The following ASPH variants were observed in gnomAD, a reference collection of about 807,000 sequenced individuals.
ASPH encodes aspartate beta-hydroxylase.
In ASPH, 100 loss-of-function variants were observed where a neutral mutation model predicts 118.4. That is an observed-to-expected ratio of 0.84 (90% CI 0.72 to 1.00). The LOEUF (loss-of-function observed/expected upper bound fraction) is 1.00. Among genes scored for constraint, ASPH ranks in the 50% least tolerant of loss-of-function variants. ASPH has a pLI of 0.00. For missense variants in ASPH, 920 were observed against 919.5 expected, an observed-to-expected ratio of 1.00 and a Z score of -0.01; for synonymous variants, 315 against 325.6, an observed-to-expected ratio of 0.97 and a Z score of 0.35.
intron 24 of ASPH, among the ~76,000 whole-genome samples, chr8:61,507,330 GGTT>G (rs2129612208): frequency 6.6e-6 from 1 of 152,266 alleles, no homozygotes; most frequent in East Asian, 1.9e-4. Flanking sequence ...TATACCAAAG[GGTT>G]GTTAATTGGC....
intron 10 of ASPH, among the ~76,000 whole-genome samples, chr8:61,639,206 A>G (rs562510921): frequency 6.6e-6 from 1 of 152,192 alleles, no homozygotes; most frequent in East Asian, 1.9e-4. Context: ...GCTTCTAAGA[A>G]CTTAAAAATG....
At chr8:61,548,537 T>C (rs564877488) in intron 20 of ASPH, among the ~76,000 whole-genome samples, 12 of 152,192 alleles carry the variant, frequency 7.9e-5, no homozygotes, top group Non-Finnish European at 1.0e-4. Flanking sequence ...AATGAATAAA[T>C]AAGACACCAA....
chr8:61,615,330 G>A (rs1393611007), intron 14 of ASPH, among the ~76,000 whole-genome samples: 1 of 152,126 alleles, frequency 6.6e-6, no homozygotes, highest in Non-Finnish European at 1.5e-5. Context: ...CACCATCCAA[G>A]AGGCCTATTA....
chr8:61,525,495 TCTGGTGTGTTACCATTTTTACCAG>T (rs887011625), intron 22 of ASPH, among the ~76,000 whole-genome samples: 2 of 152,304 alleles, frequency 1.3e-5, no homozygotes, highest in East Asian at 1.9e-4. Context: ...GTCTTGTCAC[TCTGGTGTGTTACCATTTTTACCAG>T]CTGGTGTGTT....
intron 10 of ASPH, among the ~76,000 whole-genome samples, chr8:61,638,603 TA>T (rs1410064908): frequency 6.6e-6 from 1 of 152,180 alleles, no homozygotes; most frequent in African/African-American, 2.4e-5. Context: ...ACTACCTTTT[TA>T]AAATTTTCTT....
intron 21 of ASPH, among the ~76,000 whole-genome samples, chr8:61,539,699 G>GGGGGGTGTGTGTGTGTGTGTGTGTGT (rs1554618405): frequency 2.4e-5 from 3 of 124,306 alleles, no homozygotes; most frequent in East Asian, 2.3e-4. Context: ...ACACTTCTGG[G>GGGGGGTGTGTGTGTGTGTGTGTGTGT]GTGTGTGTGT....
chr8:61,680,855 G>A, intron 3 of ASPH, 113 bp downstream of exon 3: 1 of 776,102 alleles, frequency 1.3e-6, no homozygotes. Context: ...TATGATTTAA[G>A]GGAGAAAAGT....
chr8:61,514,353 C>T (rs1263418398), intron 24 of ASPH, among the ~76,000 whole-genome samples: 1 of 151,238 alleles, frequency 6.6e-6, no homozygotes, highest in Non-Finnish European at 1.5e-5. Context: ...TTGCTGTCAC[C>T]CAGGCTGGAG....
Position 61,689,824 on chromosome 8 carries a change from C to A in ASPH, c.104-5636G>T. ...AGAGCTTGAGACTGGCCAATCCCTG[C>A]ACTGTAAGGGCCTCTAGAACTGAAA... On this transcript the variant is annotated intron_variant, in intron 1 of 24. Coordinates refer to ENST00000379454, the MANE Select transcript of ASPH (RefSeq NM_004318.4). The A allele has an allele frequency of 1.5e-5, 22 of 1,447,908 alleles. No homozygotes were observed. The South Asian group carries it at 3.0e-4, about 20-fold the overall frequency. The allele number at this position is 1,447,908 out of a possible 1,614,324, so 89.7% of individuals were successfully genotyped here. A position where few individuals can be genotyped will look rare whatever the true frequency, so the allele number is the denominator to read the frequency against.
chr8:61,598,682 G>A (rs372967378), intron 14 of ASPH, among the ~76,000 whole-genome samples: 2 of 152,138 alleles, frequency 1.3e-5, no homozygotes, highest in Non-Finnish European at 2.9e-5. Flanking sequence ...CAACAGCTAC[G>A]GAGTACACAC....
At chr8:61,534,868 A>T (rs1300927624) in intron 21 of ASPH, among the ~76,000 whole-genome samples, 2 of 152,238 alleles carry the variant, frequency 1.3e-5, no homozygotes, top group African/African-American at 4.8e-5. Context: ...TGGTTTAAAC[A>T]ACAGAAATTT....
At chr8:61,705,667 T>A (rs1400358440) in intron 1 of ASPH, among the ~76,000 whole-genome samples, 1 of 152,204 alleles carries the variant, frequency 6.6e-6, no homozygotes, top group Non-Finnish European at 1.5e-5. Flanking sequence ...GATGAAAATA[T>A]TCTCTATCCT....
At chr8:61,693,039 C>A (rs1032476850) in intron 1 of ASPH, among the ~76,000 whole-genome samples, 9 of 152,156 alleles carry the variant, frequency 5.9e-5, no homozygotes, top group African/African-American at 2.2e-4. Context: ...ATTATCCAAC[C>A]CTCCACTGTG....
chr8:61,528,003 G>A (rs1304762436), intron 21 of ASPH, among the ~76,000 whole-genome samples: 1 of 152,152 alleles, frequency 6.6e-6, no homozygotes, highest in Admixed American at 6.6e-5. Flanking sequence ...TCTTAGTTCT[G>A]CTTTTAACTT....
At chr8:61,520,016 C>A (rs1812367740) in intron 22 of ASPH, among the ~76,000 whole-genome samples, 1 of 152,210 alleles carries the variant, frequency 6.6e-6, no homozygotes, top group Admixed American at 6.5e-5. Flanking sequence ...AAATGCATTT[C>A]TAGGACTATA....
intron 16 of ASPH, among the ~76,000 whole-genome samples, chr8:61,574,913 G>GATAAATA: frequency 6.6e-6 from 1 of 152,240 alleles, no homozygotes; most frequent in South Asian, 2.1e-4. Context: ...AGCACGTGTA[G>GATAAATA]AATAAAATCT....
intron 15 of ASPH, chr8:61,579,752 C>T (rs1280386553): frequency 2.3e-6 from 2 of 852,828 alleles, no homozygotes; most frequent in Admixed American, 1.7e-5. Flanking sequence ...CAGGGTAGCA[C>T]TGGGAACAGG....
Position 61,704,194 on chromosome 8 carries a change from C to CA in ASPH, c.103+10074dup, listed in dbSNP as rs61553495. Among the ~76,000 whole-genome samples the CA allele has an allele frequency of 4.9e-4, 20 of 40,446 alleles. 4 individuals carry two copies. Among genetic ancestry groups the CA allele is most frequent in the African/African-American group, 1.7e-3 (14 of 8,474 alleles). 26.5% of individuals were successfully genotyped at this position (40,446 alleles called of 152,430 possible). On this transcript the variant is annotated intron_variant, in intron 1 of 24. Coordinates refer to ENST00000379454, the MANE Select transcript of ASPH (RefSeq NM_004318.4). Reference sequence around the variant, plus strand: ...TGGGCGACAGAGCGAGACTCCGTCTCAAAAAAAAAAAAAAAAAAAAAAAAA... The same window carrying CA: ...TGGGCGACAGAGCGAGACTCCGTCTCAAAAAAAAAAAAAAAAAAAAAAAAAA...
intron 1 of ASPH, among the ~76,000 whole-genome samples, chr8:61,705,558 A>G (rs1246245546): frequency 6.6e-6 from 1 of 152,266 alleles, no homozygotes; most frequent in Non-Finnish European, 1.5e-5. Context: ...AAGTTCTAGA[A>G]TAGAAAACAC....
Sources: allele counts gnomAD v4.1 joint callset (sites outside exome capture counted in the v4.1 genomes callset), GRCh38; gene constraint gnomAD v4.1.1; transcripts MANE v1.5; gene names NCBI Gene and HGNC (gene_info 2026-07-23, HGNC 2026-07-21).